Variants in MND1 observed in about 807,000 individuals in gnomAD.
MND1 encodes the protein meiotic nuclear division protein 1 homolog.
MND1 carries 28 observed loss-of-function variants against 35.1 expected under a neutral mutation model. The ratio of observed to expected loss-of-function variants is 0.80; its 90% confidence interval spans 0.59 to 1.09. The LOEUF is 1.09. Among genes scored for constraint, MND1 ranks in the 50% least tolerant of loss-of-function variants. MND1 has a pLI of 0.00. For missense variants in MND1, 213 were observed against 239.6 expected (o/e 0.89, Z 0.73); for synonymous variants, 69 against 70.5 (o/e 0.98, Z 0.11).
Position 153,350,313 on chromosome 4 carries a change from G to C in MND1, c.69+184G>C, listed in dbSNP as rs550442710. Among the ~76,000 whole-genome samples, 3 of 152,280 alleles carry C rather than the reference G, an allele frequency of 2.0e-5. No homozygotes were observed. The South Asian group carries it at 6.2e-4, about 32-fold the overall frequency. On this transcript the variant is annotated intron_variant, in intron 2 of 7. Transcript: ENST00000240488. ...GGAGTGTGAAAAACCATATCCCACT[G>C]TTGGTAGAGTCTCTTTCACCCAAGC... is the stretch of plus-strand genomic sequence containing the variant.
At chr4:153,350,966 A>AAC (rs1554008695) in intron 2 of MND1, among the ~76,000 whole-genome samples, 2 of 151,482 alleles carry the variant, frequency 1.3e-5, no homozygotes, top group African/African-American at 2.4e-5. Context: ...AAAAAAAAAA[A>AAC]AAACAAACAA....
chr4:153,353,136 A>G (rs183802679), intron 2 of MND1, among the ~76,000 whole-genome samples: 4 of 152,100 alleles, frequency 2.6e-5, no homozygotes, highest in Admixed American at 2.6e-4. Flanking sequence ...TAAAGTCAGT[A>G]ATTTATTACA....
rs1222691908 is a variant in MND1 at position 153,358,485 on chromosome 4, G to T, written c.139G>T (p.Val47Leu). The change falls in exon 4 of 8, where the codon GTA becomes TTA. Residue 47 changes from valine (V) to leucine (L), a missense_variant. Physicochemically the swap from Val to Leu is conservative, Grantham distance 32. Transcript: ENST00000240488. ...PKEKGITAMS[V>L]KEVLQSLVDD... is the part of the protein sequence containing the mutation. ...AAATTGTCTCTTAGCTGCTATGTCA[G>T]TAAAAGAAGTCCTTCAAAGCTTAGT... 6.3e-7 allele frequency: 1 copy of T among 1,598,784 alleles called. No individual in the cohort carries two copies. Among genetic ancestry groups the T allele is most frequent in the Non-Finnish European group, 8.5e-7 (1 of 1,173,312 alleles).
chr4:153,379,026 C>T (rs896416944), intron 4 of MND1, among the ~76,000 whole-genome samples: 3 of 152,178 alleles, frequency 2.0e-5, no homozygotes, highest in East Asian at 3.9e-4. Context: ...CGGTGACTCA[C>T]GTCTGTAATC....
At chr4:153,373,110 A>G (rs1773830929) in intron 4 of MND1, among the ~76,000 whole-genome samples, 2 of 151,628 alleles carry the variant, frequency 1.3e-5, no homozygotes, top group South Asian at 4.1e-4. Flanking sequence ...TCTTACATAT[A>G]GTTGGGACTT....
intron 4 of MND1, among the ~76,000 whole-genome samples, chr4:153,366,335 A>G (rs1006111651): frequency 7.9e-5 from 12 of 152,180 alleles, no homozygotes; most frequent in African/African-American, 1.4e-4. Flanking sequence ...GGGACCTCCT[A>G]TCTTTGGGGG....
intron 4 of MND1, among the ~76,000 whole-genome samples, chr4:153,363,321 C>T (rs1366396085): frequency 6.6e-6 from 1 of 151,898 alleles, no homozygotes; most frequent in Non-Finnish European, 1.5e-5. Context: ...AAGCAATTCT[C>T]CTGCCTCAGC....
chr4:153,358,774 A>G, intron 4 of MND1, 152 bp downstream of exon 4: 2 of 653,202 alleles, frequency 3.1e-6, no homozygotes, highest in Non-Finnish European at 4.7e-6. Flanking sequence ...TCTCCTAAAC[A>G]ATATGAGGAA....
At chr4:153,371,163 C>T (rs1397503878) in intron 4 of MND1, among the ~76,000 whole-genome samples, 2 of 151,992 alleles carry the variant, frequency 1.3e-5, no homozygotes, top group African/African-American at 2.4e-5. Context: ...TGCTGTAAAT[C>T]GATATGCTGT....
chr4:153,352,959 C>A (rs758888932), intron 2 of MND1, among the ~76,000 whole-genome samples: 11 of 152,082 alleles, frequency 7.2e-5, no homozygotes, highest in Non-Finnish European at 1.3e-4. Flanking sequence ...TCTTTCCAAG[C>A]CTGTTTATTT....
intron 6 of MND1, among the ~76,000 whole-genome samples, chr4:153,397,799 C>CA (rs1729240234): frequency 6.6e-6 from 1 of 152,024 alleles, no homozygotes; most frequent in African/African-American, 2.4e-5. Context: ...GCTAGGGTGA[C>CA]ACAGTAGAAC....
At chr4:153,397,879 G>A (rs982524361) in intron 6 of MND1, among the ~76,000 whole-genome samples, 2 of 152,090 alleles carry the variant, frequency 1.3e-5, no homozygotes, top group African/African-American at 4.8e-5. Context: ...GAAATTATAA[G>A]CATTTTAAAA....
At chr4:153,356,552 C>CAAAAAAAAAAAAA (rs34763120) in intron 3 of MND1, among the ~76,000 whole-genome samples, 1 of 60,044 alleles carries the variant, frequency 1.7e-5, no homozygotes. Context: ...AACTCAGTCT[C>CAAAAAAAAAAAAA]AAAAAAAAAA....
intron 1 of MND1, among the ~76,000 whole-genome samples, chr4:153,348,996 T>C (rs1773142270): frequency 6.6e-6 from 1 of 152,132 alleles, no homozygotes; most frequent in Admixed American, 6.5e-5. Context: ...TTTATATTCC[T>C]TTATAATCCC....
intron 4 of MND1, among the ~76,000 whole-genome samples, chr4:153,368,012 A>T (rs1476313695): frequency 6.6e-6 from 1 of 152,130 alleles, no homozygotes; most frequent in Non-Finnish European, 1.5e-5. Context: ...TTCTTTGCCC[A>T]TATCTCTTCT....
In MND1 at chr4:153,358,579, C is replaced by T. The variant is rs1773402999; in HGVS notation, c.233C>T (p.Ala78Val). 9 of 1,613,252 alleles carry T rather than the reference C, an allele frequency of 5.6e-6. No individual in the cohort carries two copies. The highest frequency in any genetic ancestry group is 1.3e-5 in the African/African-American group (1 of 74,886). ...TATTATTGGGCTTTTCCAAGTAAAG[C>T]TCTTCATGCAAGGAAACATAAGTTG... ...SNYYWAFPSK[A>V]LHARKHKLEV... Residue 78 changes from alanine (A) to valine (V), a missense_variant, in exon 4 of 8, where the codon GCT (alanine) becomes GTT (valine). Coordinates refer to ENST00000240488, the MANE Select transcript of MND1 (RefSeq NM_032117.4).
intron 4 of MND1, among the ~76,000 whole-genome samples, chr4:153,380,002 C>T (rs1352520302): frequency 6.6e-6 from 1 of 151,816 alleles, no homozygotes; most frequent in Non-Finnish European, 1.5e-5. Flanking sequence ...GTCTGGGCAA[C>T]AAAGCACGAC....
chr4:153,352,683 G>A (rs1440077), intron 2 of MND1, among the ~76,000 whole-genome samples: 45,836 of 147,346 alleles, frequency 0.31, 7,490 homozygotes, highest in African/African-American at 0.42. Flanking sequence ...AGGTTGTAGT[G>A]AGCCATGATC....
In MND1 at chr4:153,390,044, T is replaced by A. The variant is rs528761048; in HGVS notation, c.277-4218T>A. On this transcript the variant is annotated intron_variant, in intron 4 of 7. Coordinates refer to ENST00000240488, the MANE Select transcript of MND1 (RefSeq NM_032117.4). ...AAGCCCTTTGGCTTTTTTTTTTTTT[T>A]TATATGCTAAAGTTTGATAACTACT... Among the ~76,000 whole-genome samples, 1,194 of 151,878 alleles carry A rather than the reference T, an allele frequency of 7.9e-3. 12 individuals are homozygous for A. Among genetic ancestry groups the A allele is most frequent in the African/African-American group, 0.027 (1,107 of 41,336 alleles).
Sources: gnomAD v4.1 joint callset for allele counts (sites outside exome capture counted in the v4.1 genomes callset) on GRCh38, gnomAD v4.1.1 for gene constraint, MANE v1.5 for transcripts, NCBI Gene and HGNC (gene_info 2026-07-23, HGNC 2026-07-21) for gene names.